The following DENND2A variants were observed in gnomAD, a reference collection of about 807,000 sequenced individuals.
DENND2A encodes the protein DENN domain-containing protein 2A.
A neutral mutation model predicts 105.3 loss-of-function variants in DENND2A; 53 were observed. That is an observed-to-expected ratio of 0.50 (90% confidence interval 0.40 to 0.63). The LOEUF (loss-of-function observed/expected upper bound fraction) is 0.63. Ranked by LOEUF, DENND2A falls within the 30% of genes least tolerant of loss-of-function variation. The pLI, the probability that DENND2A is intolerant of heterozygous loss-of-function variation, is 0.00. For missense variants in DENND2A, 1,138 were observed against 1,279.6 expected (o/e 0.89, Z 1.69); for synonymous variants, 522 against 508.4 (o/e 1.03, Z -0.36).
At chr7:140,540,639 C>T (rs927298879) in intron 14 of DENND2A, among the ~76,000 whole-genome samples, 43 of 152,282 alleles carry the variant, frequency 2.8e-4, no homozygotes, top group African/African-American at 1.0e-3. Flanking sequence ...ACCTGTCCAC[C>T]CGGAAATCTG....
Position 140,527,603 on chromosome 7 carries a change from C to G in DENND2A, c.2328-108G>C. On this transcript the variant is annotated intron_variant, in intron 14 of 19. Coordinates refer to ENST00000496613, the MANE Select transcript of DENND2A (RefSeq NM_015689.5). This position sits in a 1 kb window ranked among gnomAD's most constrained non-coding sequence, Gnocchi z 4.9. ...GACAGGATGACTAGGAAAGGACACA[C>G]GTGGATGTGGATCCGGTGGAGCACA... is the stretch of plus-strand genomic sequence containing the variant. 1 of 1,192,890 alleles carries G rather than the reference C, an allele frequency of 8.4e-7. No individual in the cohort carries two copies. Among genetic ancestry groups the G allele is most frequent in the Non-Finnish European group, 1.2e-6 (1 of 868,324 alleles). 73.9% of individuals were successfully genotyped at this position (1,192,890 alleles called of 1,614,324 possible).
At chr7:140,619,427 G>A (rs544084140) in intron 1 of DENND2A, among the ~76,000 whole-genome samples, 1 of 152,194 alleles carries the variant, frequency 6.6e-6, no homozygotes, top group Admixed American at 6.5e-5. Context: ...TTCTTTCCAG[G>A]GTGATGAAAG....
At chr7:140,569,838 G>T in intron 6 of DENND2A, 100 bp from the exon 7 acceptor site, 1 of 791,026 alleles carries the variant, frequency 1.3e-6, no homozygotes, top group South Asian at 1.4e-5. Context: ...TGGAGGGCCA[G>T]GGCCAGGGGG....
At chr7:140,639,118 G>A (rs751823346) in intron 1 of DENND2A, among the ~76,000 whole-genome samples, 7 of 151,892 alleles carry the variant, frequency 4.6e-5, no homozygotes, top group African/African-American at 9.7e-5. Flanking sequence ...TTGCGAGGCC[G>A]AGGCGGGCAG....
intron 1 of DENND2A, among the ~76,000 whole-genome samples, chr7:140,613,539 C>CAA (rs769852380): frequency 0.037 from 3,508 of 94,272 alleles, 69 homozygotes; most frequent in African/African-American, 0.074. Context: ...GACTCTGTCT[C>CAA]AAAAAAAAAA....
intron 1 of DENND2A, among the ~76,000 whole-genome samples, chr7:140,623,772 T>C (rs1800395731): frequency 1.3e-5 from 2 of 151,394 alleles, no homozygotes; most frequent in African/African-American, 2.4e-5. Context: ...GAAGATCTGC[T>C]GAACCCTTGA....
chr7:140,597,925 A>T (rs1003993237), intron 3 of DENND2A, among the ~76,000 whole-genome samples: 8 of 152,188 alleles, frequency 5.3e-5, no homozygotes, highest in African/African-American at 1.9e-4. Flanking sequence ...GAACATAAAG[A>T]AGGAAGCATC....
intron 1 of DENND2A, among the ~76,000 whole-genome samples, chr7:140,632,777 G>A (rs1353606267): frequency 5.3e-5 from 8 of 151,014 alleles, no homozygotes; most frequent in Admixed American, 3.3e-4. Context: ...TTGGCCAGAC[G>A]GATCTCCAAC....
At chr7:140,540,843 G>A (rs1024761449) in intron 14 of DENND2A, among the ~76,000 whole-genome samples, 8 of 151,868 alleles carry the variant, frequency 5.3e-5, no homozygotes, top group South Asian at 2.1e-4. Flanking sequence ...TCAGCCTCCC[G>A]AGTAGCTGGG....
intron 14 of DENND2A, among the ~76,000 whole-genome samples, chr7:140,540,289 C>T (rs74738161): frequency 0.033 from 4,998 of 152,342 alleles, 252 homozygotes; most frequent in African/African-American, 0.11. Flanking sequence ...CAGAAGAAAA[C>T]CCCTGATGGG....
At position 140,558,134 on chromosome 7, in the gene DENND2A, T is replaced by G. The variant is rs562519168; in HGVS notation, c.1959+9A>C. 6.2e-7 allele frequency: 1 copy of G among 1,612,566 alleles called. No individual in the cohort carries two copies. ...AGGCTCTTGCAGGCTGAAAGCAGAATGTACTCACCAGCAGTCTTCGGCAGT... is the reference window on the plus strand; with the variant it reads ...AGGCTCTTGCAGGCTGAAAGCAGAAGGTACTCACCAGCAGTCTTCGGCAGT... On this transcript the variant is annotated intron_variant, in intron 11 of 19. Coordinates refer to ENST00000496613, the MANE Select transcript of DENND2A (RefSeq NM_015689.5).
Position 140,523,431 on chromosome 7 carries a change from A to G in DENND2A, c.2548-7T>C, listed in dbSNP as rs1422288318. The G allele has an allele frequency of 2.5e-6, 4 of 1,613,708 alleles. No individual in the cohort carries two copies. The highest frequency in any genetic ancestry group is 3.4e-6 in the Non-Finnish European group (4 of 1,179,808). On this transcript the variant is annotated splice_polypyrimidine_tract_variant and splice_region_variant and intron_variant, in intron 16 of 19. Transcript: ENST00000496613. This position sits in a 1 kb window ranked among gnomAD's most constrained non-coding sequence, Gnocchi z 4.5. ...TGGAGTCCTCATCGTCCATCTGGAA[A>G]GCAGAGGTAGCAGGTGGGCTTATGG... is the stretch of plus-strand genomic sequence containing the variant.
At chr7:140,612,980 G>T (rs919116033) in intron 1 of DENND2A, among the ~76,000 whole-genome samples, 1 of 151,934 alleles carries the variant, frequency 6.6e-6, no homozygotes, top group Admixed American at 6.6e-5. Flanking sequence ...CAGGCATGGT[G>T]GTGCATGCCT....
chr7:140,552,390 TTC>T (rs1484291414), intron 12 of DENND2A, among the ~76,000 whole-genome samples: 1 of 151,612 alleles, frequency 6.6e-6, no homozygotes, highest in Non-Finnish European at 1.5e-5. Context: ...CCCTTCCTTC[TTC>T]TTTCTTTTTC....
chr7:140,518,878 G>A (rs1585534279), intron 19 of DENND2A, 140 bp from the exon 20 acceptor site: 3 of 690,982 alleles, frequency 4.3e-6, no homozygotes, highest in East Asian at 2.7e-5. Flanking sequence ...CTCTGGAGAA[G>A]CCAAAGGGGC....
chr7:140,520,832 T>TA (rs1795831695), intron 18 of DENND2A, among the ~76,000 whole-genome samples: 1 of 151,564 alleles, frequency 6.6e-6, no homozygotes. Flanking sequence ...GTGCTGGGAT[T>TA]ACAGGCGCGC....
chr7:140,583,754 G>A lies in DENND2A; in HGVS notation c.1245+1835C>T, dbSNP rs184829422. On this transcript the variant is annotated intron_variant, in intron 5 of 19. Coordinates refer to ENST00000496613, the MANE Select transcript of DENND2A (RefSeq NM_015689.5). ...ACCATCCTGTGAATGGTGAAACCCC[G>A]TCTCTACTAAAAATACAAAAAATTA... Among the ~76,000 whole-genome samples the A allele has an allele frequency of 7.9e-4, 116 of 147,226 alleles. 11 individuals carry two copies. The highest frequency in any genetic ancestry group is 2.6e-3 in the African/African-American group (100 of 37,962).
At chr7:140,586,086 C>T (rs1798767884) in intron 4 of DENND2A, among the ~76,000 whole-genome samples, 1 of 151,994 alleles carries the variant, frequency 6.6e-6, no homozygotes, top group Non-Finnish European at 1.5e-5. Flanking sequence ...TGAGGGTGAA[C>T]CTCAGGATTT....
In DENND2A at chr7:140,595,243, G is replaced by A. The variant is rs185204096; in HGVS notation, c.995+6160C>T. On this transcript the variant is annotated intron_variant, in intron 3 of 19. Transcript: ENST00000496613. ...GCTGGTCTCAAACTCCTGACCTCAAGTGATCTGCCCACCTCGGCCTCCCAA... is the reference window on the plus strand; with the variant it reads ...GCTGGTCTCAAACTCCTGACCTCAAATGATCTGCCCACCTCGGCCTCCCAA... Among the ~76,000 whole-genome samples, 636 of 152,116 alleles carry A rather than the reference G, an allele frequency of 4.2e-3. 3 individuals are homozygous for A. The highest frequency in any genetic ancestry group is 0.013 in the African/African-American group (559 of 41,498).
Sources: allele counts gnomAD v4.1 joint callset (sites outside exome capture counted in the v4.1 genomes callset), GRCh38; gene constraint gnomAD v4.1.1; non-coding constraint Gnocchi (gnomAD v3.1); transcripts MANE v1.5; gene names NCBI Gene and HGNC (gene_info 2026-07-23, HGNC 2026-07-21).